The following FTO variants were observed in gnomAD, a reference collection of about 807,000 sequenced individuals.
The protein encoded by FTO is FTO alpha-ketoglutarate dependent dioxygenase.
In FTO, 47 loss-of-function variants were observed where a neutral mutation model predicts 63.9. The observed-to-expected ratio is 0.74, with a 90% CI of 0.58 to 0.94. The LOEUF (loss-of-function observed/expected upper bound fraction) is 0.94. Ranked by LOEUF, FTO falls within the 40% of genes least tolerant of loss-of-function variation. The pLI, the probability that FTO is intolerant of heterozygous loss-of-function variation, is 0.00. For synonymous variants in FTO, 207 were observed against 224.4 expected, an observed-to-expected ratio of 0.92 and a Z score of 0.69; for missense variants, 562 against 618.1, an observed-to-expected ratio of 0.91 and a Z score of 0.96.
In FTO at chr16:53,976,687, C is replaced by G. The variant is rs1397945812; in HGVS notation, c.1364+42578C>G. Reference sequence around the variant, plus strand: ...ATGTTGGAGAATTTTTTAAATGTCACCTCATCTATTAACATGTTTTATTTC... The same window carrying G: ...ATGTTGGAGAATTTTTTAAATGTCAGCTCATCTATTAACATGTTTTATTTC... On this transcript the variant is annotated intron_variant, in intron 8 of 8. Transcript: ENST00000471389. 2.6e-5 allele frequency among the ~76,000 whole-genome samples: 4 copies of G among 152,070 alleles called. No individual in the cohort carries two copies. The East Asian group carries it at 7.7e-4, about 29-fold the overall frequency.
intron 4 of FTO, among the ~76,000 whole-genome samples, chr16:53,870,744 C>T (rs568222242): frequency 6.6e-6 from 1 of 152,250 alleles, no homozygotes; most frequent in South Asian, 2.1e-4. Flanking sequence ...GGCATTTATT[C>T]TTTCATGATA....
intron 1 of FTO, among the ~76,000 whole-genome samples, chr16:53,727,114 G>A (rs2076172999): frequency 6.6e-6 from 1 of 151,948 alleles, no homozygotes; most frequent in South Asian, 2.1e-4. Flanking sequence ...AATATATTCA[G>A]ATGACTTTCA....
chr16:53,855,443 G>C (rs1225771786), intron 4 of FTO, among the ~76,000 whole-genome samples: 1 of 152,018 alleles, frequency 6.6e-6, no homozygotes, highest in Non-Finnish European at 1.5e-5. Context: ...GACTGTTTTA[G>C]CTTTGTATCC....
intron 8 of FTO, among the ~76,000 whole-genome samples, chr16:54,075,151 A>AT (rs2085963004): frequency 6.6e-6 from 1 of 151,948 alleles, no homozygotes; most frequent in Non-Finnish European, 1.5e-5. Context: ...TGATTCAAAT[A>AT]TTTTTTTCTT....
chr16:54,073,683 A>C (rs1455492853), intron 8 of FTO, among the ~76,000 whole-genome samples: 1 of 151,656 alleles, frequency 6.6e-6, no homozygotes, highest in Non-Finnish European at 1.5e-5. Flanking sequence ...CCTAGCCTCA[A>C]GCTCTCCTCC....
chr16:53,751,183 A>AG (rs113549173), intron 1 of FTO, among the ~76,000 whole-genome samples: 47,788 of 151,910 alleles, frequency 0.31, 9,152 homozygotes, highest in African/African-American at 0.53. Flanking sequence ...CCAAGGCGAG[A>AG]GATCACTTGA....
intron 8 of FTO, among the ~76,000 whole-genome samples, chr16:53,982,986 T>C (rs2083581346): frequency 6.6e-6 from 1 of 152,060 alleles, no homozygotes; most frequent in Non-Finnish European, 1.5e-5. Flanking sequence ...TCTGTTTGTG[T>C]TTTTTGGGAT....
At chr16:53,927,202 C>A (rs765319968) in intron 7 of FTO, among the ~76,000 whole-genome samples, 1 of 151,994 alleles carries the variant, frequency 6.6e-6, no homozygotes, top group Non-Finnish European at 1.5e-5. Context: ...AAGCCTATGG[C>A]AGTGGGGAAG....
At chr16:53,746,606 A>G (rs551851214) in intron 1 of FTO, among the ~76,000 whole-genome samples, 13 of 152,282 alleles carry the variant, frequency 8.5e-5, no homozygotes, top group Admixed American at 5.9e-4. Context: ...TGTAAATATT[A>G]TGGGATGCAA....
intron 3 of FTO, among the ~76,000 whole-genome samples, chr16:53,837,483 G>A (rs2079332560): frequency 6.6e-6 from 1 of 152,276 alleles, no homozygotes; most frequent in South Asian, 2.1e-4. Flanking sequence ...TCTTGTTATA[G>A]ATTCTGAGCT....
At chr16:53,773,720 C>A (rs1239914479) in intron 1 of FTO, among the ~76,000 whole-genome samples, 2 of 152,116 alleles carry the variant, frequency 1.3e-5, no homozygotes, top group African/African-American at 2.4e-5. Flanking sequence ...TATTAACTGG[C>A]TTTTGAGCTT....
At chr16:54,020,852 A>G (rs1361564830) in intron 8 of FTO, among the ~76,000 whole-genome samples, 1 of 152,146 alleles carries the variant, frequency 6.6e-6, no homozygotes, top group Non-Finnish European at 1.5e-5. Flanking sequence ...CATGCCTGTA[A>G]TCCCAGCTAC....
At chr16:54,026,015 G>GAA (rs35029210) in intron 8 of FTO, among the ~76,000 whole-genome samples, 43 of 151,326 alleles carry the variant, frequency 2.8e-4, no homozygotes, top group African/African-American at 9.2e-4. Context: ...CTGGCTCAAA[G>GAA]AAAAAAAAAT....
Position 54,112,161 on chromosome 16 carries a change from T to C in FTO, c.*246T>C, listed in dbSNP as rs1261045165. 2 of 511,706 alleles carry C rather than the reference T, an allele frequency of 3.9e-6. No homozygotes were observed. The highest frequency in any genetic ancestry group is 7.1e-6 in the Non-Finnish European group (2 of 282,738). 31.7% of individuals were successfully genotyped at this position (511,706 alleles called of 1,614,324 possible). ...CCCCAAAATTGTTCAGATTATAAAATGTGAGCCATTCAGCCCCCAAGGTCC... is the reference window on the plus strand; with the variant it reads ...CCCCAAAATTGTTCAGATTATAAAACGTGAGCCATTCAGCCCCCAAGGTCC... On this transcript the variant is annotated 3_prime_UTR_variant, in exon 9 of 9. Coordinates refer to ENST00000471389, the MANE Select transcript of FTO (RefSeq NM_001080432.3).
At chr16:53,821,386 T>C (rs1047616174) in intron 2 of FTO, among the ~76,000 whole-genome samples, 1 of 152,218 alleles carries the variant, frequency 6.6e-6, no homozygotes, top group Non-Finnish European at 1.5e-5. Flanking sequence ...GCTAAGAAAG[T>C]AACCAGTATA....
At chr16:53,812,484 G>T (rs2078559969) in intron 2 of FTO, among the ~76,000 whole-genome samples, 1 of 152,062 alleles carries the variant, frequency 6.6e-6, no homozygotes, top group South Asian at 2.1e-4. Flanking sequence ...AAAGTGCTAG[G>T]ATTACAGGCA....
intron 1 of FTO, among the ~76,000 whole-genome samples, chr16:53,790,271 A>G (rs2077874123): frequency 6.6e-6 from 1 of 152,012 alleles, no homozygotes; most frequent in Non-Finnish European, 1.5e-5. Context: ...CAATTAAACA[A>G]TAACTCCTTG....
chr16:53,706,033 A>C (rs2075609746), intron 1 of FTO, among the ~76,000 whole-genome samples: 1 of 152,174 alleles, frequency 6.6e-6, no homozygotes. Flanking sequence ...CTTGGTTGCT[A>C]GGTGAAACTA....
chr16:53,961,091 T>G (rs1020948642), intron 8 of FTO, among the ~76,000 whole-genome samples: 1 of 152,052 alleles, frequency 6.6e-6, no homozygotes, highest in Non-Finnish European at 1.5e-5. Flanking sequence ...CCAGTTCACC[T>G]GTAGCCAACC....
Sources: gnomAD v4.1 joint callset for allele counts (sites outside exome capture counted in the v4.1 genomes callset) on GRCh38, gnomAD v4.1.1 for gene constraint, MANE v1.5 for transcripts, NCBI Gene and HGNC (gene_info 2026-07-23, HGNC 2026-07-21) for gene names.